DCC: variants seen among roughly 807,000 people sequenced by gnomAD.
DCC encodes the protein netrin receptor DCC.
A neutral mutation model predicts 172.5 loss-of-function variants in DCC; 58 were observed. That is an observed-to-expected ratio of 0.34 (90% CI 0.27 to 0.42). The LOEUF (loss-of-function observed/expected upper bound fraction) is 0.42. Ranked by LOEUF, DCC falls within the 10% of genes least tolerant of loss-of-function variation. The probability of loss-of-function intolerance (pLI) is 1.00; values close to 1 mark genes in which losing one functional copy is unlikely to be tolerated. For missense variants in DCC, 1,740 were observed against 1,791.0 expected, an observed-to-expected ratio of 0.97 and a Z score of 0.51; for synonymous variants, 709 against 644.5, an observed-to-expected ratio of 1.10 and a Z score of -1.52.
At chr18:52,818,359 C>T (rs1319889892) in intron 2 of DCC, among the ~76,000 whole-genome samples, 1 of 147,168 alleles carries the variant, frequency 6.8e-6, no homozygotes, top group East Asian at 2.0e-4. Flanking sequence ...CTGCAGCGAG[C>T]TATGTCTGTG....
intron 1 of DCC, among the ~76,000 whole-genome samples, chr18:52,543,931 C>T (rs2032537785): frequency 6.6e-6 from 1 of 152,160 alleles, no homozygotes; most frequent in South Asian, 2.1e-4. Context: ...TTAAATAGGT[C>T]ACAGGTCTCT....
At chr18:52,834,020 G>A (rs2038661249) in intron 2 of DCC, among the ~76,000 whole-genome samples, 1 of 152,108 alleles carries the variant, frequency 6.6e-6, no homozygotes, top group Non-Finnish European at 1.5e-5. Context: ...GGGCCTATGT[G>A]CTTGGGTACA....
At chr18:52,419,428 A>G (rs1987169170) in intron 1 of DCC, 1 of 152,188 alleles carries the variant, frequency 6.6e-6, no homozygotes, top group Admixed American at 6.5e-5. Context: ...CTGAGGAAAT[A>G]TTTCAACTTC....
At chr18:53,103,027 C>G (rs1337285425) in intron 7 of DCC, among the ~76,000 whole-genome samples, 2 of 152,176 alleles carry the variant, frequency 1.3e-5, no homozygotes, top group East Asian at 3.9e-4. Context: ...ATGGTTAGCT[C>G]ACAGTTTTGA....
intron 5 of DCC, among the ~76,000 whole-genome samples, chr18:53,025,971 T>C (rs2041950672): frequency 6.6e-6 from 1 of 151,992 alleles, no homozygotes; most frequent in Non-Finnish European, 1.5e-5. Context: ...ATTTTCATAA[T>C]TAGAATAATT....
intron 1 of DCC, among the ~76,000 whole-genome samples, chr18:52,507,069 A>T (rs1020303469): frequency 2.0e-5 from 3 of 150,418 alleles, no homozygotes; most frequent in Non-Finnish European, 2.9e-5. Context: ...CCAAATAGTT[A>T]AAAAAAGACT....
chr18:52,962,024 A>T (rs1415999989), intron 5 of DCC, among the ~76,000 whole-genome samples: 3 of 152,084 alleles, frequency 2.0e-5, no homozygotes, highest in South Asian at 2.1e-4. Context: ...ACCCTAGGCA[A>T]TACCATTCAG....
chr18:53,354,457 A>C (rs1166185810), intron 15 of DCC, among the ~76,000 whole-genome samples: 1 of 152,056 alleles, frequency 6.6e-6, no homozygotes, highest in African/African-American at 2.4e-5. Context: ...TCGCCATTCT[A>C]ACTGGTGTGA....
At chr18:52,806,745 C>T (rs889885404) in intron 2 of DCC, among the ~76,000 whole-genome samples, 2 of 152,074 alleles carry the variant, frequency 1.3e-5, no homozygotes, top group Admixed American at 6.5e-5. Flanking sequence ...ACTATCATGG[C>T]AGTGGTGGGA....
chr18:53,224,017 T>C (rs1028181067), intron 12 of DCC, among the ~76,000 whole-genome samples: 4 of 152,224 alleles, frequency 2.6e-5, no homozygotes, highest in Non-Finnish European at 4.4e-5. Context: ...TGAACTGTGC[T>C]TGTTGCTGGA....
At chr18:52,372,864 C>T (rs1027186101) in intron 1 of DCC, among the ~76,000 whole-genome samples, 1 of 152,036 alleles carries the variant, frequency 6.6e-6, no homozygotes, top group African/African-American at 2.4e-5. Context: ...TAACAAAAAC[C>T]CGAGATGATA....
intron 12 of DCC, among the ~76,000 whole-genome samples, chr18:53,278,669 C>A (rs1418437820): frequency 6.6e-6 from 1 of 152,062 alleles, no homozygotes; most frequent in Admixed American, 6.6e-5. Context: ...ATTTTCATTT[C>A]TTTCAGTTGA....
At chr18:52,586,942 G>GT (rs2033687827) in intron 1 of DCC, among the ~76,000 whole-genome samples, 1 of 152,186 alleles carries the variant, frequency 6.6e-6, no homozygotes, top group African/African-American at 2.4e-5. Context: ...TAGCCATAAA[G>GT]TGAGTGCCTT....
chr18:53,183,739 C>A (rs2055235085), intron 9 of DCC, among the ~76,000 whole-genome samples: 1 of 151,956 alleles, frequency 6.6e-6, no homozygotes, highest in African/African-American at 2.4e-5. Flanking sequence ...AGAGGAATAG[C>A]CATATTTGCT....
At chr18:52,669,553 T>C (rs894036570) in intron 1 of DCC, among the ~76,000 whole-genome samples, 3 of 152,224 alleles carry the variant, frequency 2.0e-5, no homozygotes, top group Admixed American at 2.0e-4. Context: ...TCTTTCACTG[T>C]ATAAGTCATA....
At chr18:53,104,178 A>G (rs992387695) in intron 7 of DCC, among the ~76,000 whole-genome samples, 3 of 151,990 alleles carry the variant, frequency 2.0e-5, no homozygotes, top group African/African-American at 7.2e-5. Flanking sequence ...TATAACAGTT[A>G]TAGAGCTTTA....
chr18:53,191,829 T>C (rs966157564), intron 9 of DCC, among the ~76,000 whole-genome samples: 1 of 152,166 alleles, frequency 6.6e-6, no homozygotes, highest in African/African-American at 2.4e-5. Context: ...GATCTGGCAC[T>C]TTGTGTCACC....
rs887281983 is a variant in DCC at position 52,733,721 on chromosome 18, C to T, written c.92-18333C>T. 4.6e-5 allele frequency among the ~76,000 whole-genome samples: 7 copies of T among 152,070 alleles called. No homozygotes were observed. In the South Asian group the frequency reaches 1.5e-3, roughly 32 times the overall value. ...ATGTTACCTAGGGTGGTCTCAAACT[C>T]CTAGCCTCAAGCAGTCCTCCTGCCT... On this transcript the variant is annotated intron_variant, in intron 1 of 28. Coordinates refer to ENST00000442544, the MANE Select transcript of DCC (RefSeq NM_005215.4).
At chr18:52,989,417 G>A (rs1335310456) in intron 5 of DCC, among the ~76,000 whole-genome samples, 1 of 152,050 alleles carries the variant, frequency 6.6e-6, no homozygotes, top group Non-Finnish European at 1.5e-5. Flanking sequence ...TAGCTACTCA[G>A]GAGATGGAGG....
Sources: allele counts gnomAD v4.1 joint callset (sites outside exome capture counted in the v4.1 genomes callset), GRCh38; gene constraint gnomAD v4.1.1; transcripts MANE v1.5; gene names NCBI Gene and HGNC (gene_info 2026-07-23, HGNC 2026-07-21).